Variants in TMEM178B observed in about 807,000 individuals in gnomAD.
The protein encoded by TMEM178B is transmembrane protein 178B.
TMEM178B carries 5 observed loss-of-function variants against 31.0 expected under a neutral mutation model. The ratio of observed to expected loss-of-function variants is 0.16; its 90% CI spans 0.08 to 0.34. The LOEUF (loss-of-function observed/expected upper bound fraction) is 0.34, where lower values mean the gene tolerates loss of function less well. TMEM178B is among the 10% of genes least tolerant of loss of function. TMEM178B has a pLI of 1.00. For missense variants in TMEM178B, 275 were observed against 400.3 expected (o/e 0.69, Z 2.67); for synonymous variants, 164 against 164.0 (o/e 1.00, Z 0.00).
intron 1 of TMEM178B, among the ~76,000 whole-genome samples, chr7:141,158,371 C>T (rs1253237330): frequency 2.0e-5 from 3 of 152,222 alleles, no homozygotes; most frequent in East Asian, 3.8e-4. Context: ...GCTGGGATTA[C>T]AGGCATGAGC....
At chr7:141,176,891 A>G (rs1796443403) in intron 1 of TMEM178B, among the ~76,000 whole-genome samples, 1 of 152,126 alleles carries the variant, frequency 6.6e-6, no homozygotes, top group Non-Finnish European at 1.5e-5. Context: ...GATCTTTTCA[A>G]AAAACCAGCT....
chr7:141,353,127 T>G (rs1009031856), intron 2 of TMEM178B, among the ~76,000 whole-genome samples: 1 of 152,182 alleles, frequency 6.6e-6, no homozygotes, highest in Non-Finnish European at 1.5e-5. Flanking sequence ...CTTCATCTGT[T>G]GCCATGACTA....
chr7:141,455,946 C>G (rs1801954055), intron 3 of TMEM178B, among the ~76,000 whole-genome samples: 1 of 152,248 alleles, frequency 6.6e-6, no homozygotes, highest in Non-Finnish European at 1.5e-5. Flanking sequence ...TGGCTTGAAT[C>G]AGATAGGGCA....
chr7:141,426,728 A>G (rs1801323826), intron 2 of TMEM178B, among the ~76,000 whole-genome samples: 2 of 152,142 alleles, frequency 1.3e-5, no homozygotes, highest in South Asian at 4.1e-4. Flanking sequence ...CATAAAAACT[A>G]TCTTATTTTG....
At chr7:141,383,903 C>T (rs549018871) in intron 2 of TMEM178B, among the ~76,000 whole-genome samples, 2,049 of 152,154 alleles carry the variant, frequency 0.013, 21 homozygotes, top group Middle Eastern at 0.024. Flanking sequence ...TTTTAATGAT[C>T]GCCATTCTAA....
At chr7:141,470,383 C>T (rs554447290) in intron 3 of TMEM178B, among the ~76,000 whole-genome samples, 153 bp from the exon 4 acceptor site, 63 of 152,224 alleles carry the variant, frequency 4.1e-4, no homozygotes, top group African/African-American at 1.4e-3. Context: ...AGATACTGAC[C>T]TTGGTGATAA....
rs1259224215 is a variant in TMEM178B, at chr7:141,135,880, A to C, written c.382+61188A>C. ...TAAAAGGAAATAAATACCTAAGTGAAATAGAGACTAAAAAAATACAAAGGA... is the reference window on the plus strand; with the variant it reads ...TAAAAGGAAATAAATACCTAAGTGACATAGAGACTAAAAAAATACAAAGGA... On this transcript the variant is annotated intron_variant, in intron 1 of 3. Transcript: ENST00000565468. 7.2e-5 allele frequency among the ~76,000 whole-genome samples: 11 copies of C among 152,302 alleles called. No individual in the cohort carries two copies. The South Asian group carries it at 2.3e-3, about 32-fold the overall frequency.
Position 141,372,971 on chromosome 7 carries a change from G to T in TMEM178B, c.497-64637G>T, listed in dbSNP as rs371931058. ...AAAAAGGAGAGGGAAATGGCTTAGT[G>T]ATTAAGAGTATTGGTTTTAGTGTCA... On this transcript the variant is annotated intron_variant, in intron 2 of 3. Coordinates refer to ENST00000565468, the MANE Select transcript of TMEM178B (RefSeq NM_001195278.2). Among the ~76,000 whole-genome samples, 91 of 152,298 alleles carry T rather than the reference G, an allele frequency of 6.0e-4. 4 individuals are homozygous for T. The South Asian group carries it at 0.018, about 30-fold the overall frequency.
intron 1 of TMEM178B, among the ~76,000 whole-genome samples, chr7:141,100,718 A>C (rs1032470969): frequency 3.9e-5 from 6 of 152,216 alleles, no homozygotes; most frequent in African/African-American, 1.4e-4. Flanking sequence ...ACACAGGTAC[A>C]TGTATGAATG....
intron 1 of TMEM178B, among the ~76,000 whole-genome samples, chr7:141,164,343 C>T (rs1282827847): frequency 6.6e-6 from 1 of 152,112 alleles, no homozygotes. Flanking sequence ...TCAGAAAAAA[C>T]CTGCATTGCA....
chr7:141,239,733 A>G (rs1240378617), intron 2 of TMEM178B, among the ~76,000 whole-genome samples: 2 of 152,206 alleles, frequency 1.3e-5, no homozygotes, highest in African/African-American at 4.8e-5. Context: ...CCAACAGGAC[A>G]GCCTTCCTGA....
At chr7:141,403,823 A>G (rs1352582063) in intron 2 of TMEM178B, among the ~76,000 whole-genome samples, 2 of 152,356 alleles carry the variant, frequency 1.3e-5, no homozygotes, top group East Asian at 3.9e-4. Context: ...AAATTTCTCC[A>G]GAAAGACCAG....
In TMEM178B at chr7:141,291,248, G is replaced by A. The variant is rs115655475; in HGVS notation, c.496+78544G>A. ...GATTACCTCAACCAAAATGACTTCC[G>A]GTTGTCTCTCCTATTTTAGGAGACC... On this transcript the variant is annotated intron_variant, in intron 2 of 3. Coordinates refer to ENST00000565468, the MANE Select transcript of TMEM178B (RefSeq NM_001195278.2). 2.6e-3 allele frequency among the ~76,000 whole-genome samples: 397 copies of A among 152,162 alleles called. 5 individuals carry two copies. The highest frequency in any genetic ancestry group is 9.0e-3 in the African/African-American group (373 of 41,512).
intron 2 of TMEM178B, among the ~76,000 whole-genome samples, chr7:141,320,105 A>C (rs922085122): frequency 3.3e-5 from 5 of 151,992 alleles, no homozygotes; most frequent in African/African-American, 1.2e-4. Flanking sequence ...TAAAAGTGGC[A>C]ATTTCCCCTA....
At position 141,176,448 on chromosome 7, in the gene TMEM178B, G is replaced by A. The variant is rs893817946; in HGVS notation, c.383-36143G>A. Among the ~76,000 whole-genome samples, 139 of 152,246 alleles carry A rather than the reference G, an allele frequency of 9.1e-4. 1 individual carries two copies. Among genetic ancestry groups the A allele is most frequent in the African/African-American group, 3.2e-3 (135 of 41,540 alleles). ...TTTTGTTGTGTCTCTGTCAGGTTTT[G>A]GTGTCAGGATGATGCTGGCCTCATA... On this transcript the variant is annotated intron_variant, in intron 1 of 3. Coordinates refer to ENST00000565468, the MANE Select transcript of TMEM178B (RefSeq NM_001195278.2).
At chr7:141,232,894 A>G (rs1232766649) in intron 2 of TMEM178B, among the ~76,000 whole-genome samples, 1 of 152,158 alleles carries the variant, frequency 6.6e-6, no homozygotes, top group African/African-American at 2.4e-5. Flanking sequence ...TTAGTAATGG[A>G]GGCACCACAG....
chr7:141,162,425 A>C (rs899114467), intron 1 of TMEM178B, among the ~76,000 whole-genome samples: 1 of 152,240 alleles, frequency 6.6e-6, no homozygotes, highest in Non-Finnish European at 1.5e-5. Flanking sequence ...CACCTGAACA[A>C]TGTTTACATA....
At chr7:141,382,194 G>A (rs762115328) in intron 2 of TMEM178B, among the ~76,000 whole-genome samples, 1 of 152,166 alleles carries the variant, frequency 6.6e-6, no homozygotes, top group Non-Finnish European at 1.5e-5. Context: ...TCAGTCCCCT[G>A]TGTACAAAAG....
At chr7:141,510,702 A>G in the TMEM178B span, among the ~76,000 whole-genome samples, 2 of 143,930 alleles carry the variant, frequency 1.4e-5, no homozygotes, top group East Asian at 1.9e-4. Flanking sequence ...AAAAAAAAAA[A>G]AAAAAAAAAA....
Sources: allele counts gnomAD v4.1 joint callset (sites outside exome capture counted in the v4.1 genomes callset), GRCh38; gene constraint gnomAD v4.1.1; transcripts MANE v1.5; gene names NCBI Gene and HGNC (gene_info 2026-07-23, HGNC 2026-07-21).